Variants in FER observed in about 807,000 individuals in gnomAD.
FER encodes the protein tyrosine-protein kinase Fer.
A neutral mutation model predicts 111.0 loss-of-function variants in FER; 63 were observed. That is an observed-to-expected ratio of 0.57 (90% CI 0.46 to 0.70). FER has a LOEUF of 0.70. FER is among the 30% of genes least tolerant of loss of function. The probability of loss-of-function intolerance (pLI) is 0.00; values close to 1 mark genes in which losing one functional copy is unlikely to be tolerated. For synonymous variants in FER, 327 were observed against 313.9 expected (o/e 1.04, Z -0.44); for missense variants, 914 against 954.0 (o/e 0.96, Z 0.55).
chr5:108,940,405 C>G (rs1406896864), intron 10 of FER, among the ~76,000 whole-genome samples: 1 of 152,038 alleles, frequency 6.6e-6, no homozygotes, highest in Non-Finnish European at 1.5e-5. Context: ...TGGAAAGTCA[C>G]AAGAGACCAT....
chr5:108,917,031 T>G (rs1365258774), intron 10 of FER, among the ~76,000 whole-genome samples: 4 of 152,168 alleles, frequency 2.6e-5, no homozygotes, highest in African/African-American at 7.2e-5. Context: ...ATAATTGTCT[T>G]TGTGTATTAA....
At chr5:108,806,616 G>T (rs1757238049) in intron 3 of FER, among the ~76,000 whole-genome samples, 1 of 152,216 alleles carries the variant, frequency 6.6e-6, no homozygotes, top group South Asian at 2.1e-4. Flanking sequence ...GCGTGACCTG[G>T]ATGCAAGACA....
At chr5:108,837,057 A>T (rs1345369048) in intron 5 of FER, among the ~76,000 whole-genome samples, 1 of 152,216 alleles carries the variant, frequency 6.6e-6, no homozygotes, top group Non-Finnish European at 1.5e-5. Flanking sequence ...TCTTTAAATT[A>T]TCTAAATTAT....
At chr5:109,134,313 T>C (rs139388433) in intron 17 of FER, among the ~76,000 whole-genome samples, 1,808 of 152,250 alleles carry the variant, frequency 0.012, 18 homozygotes, top group Non-Finnish European at 0.02. Flanking sequence ...TGTTAGAGTT[T>C]TATATAAAAC....
intron 3 of FER, among the ~76,000 whole-genome samples, chr5:108,821,570 G>C (rs1309170068): frequency 1.3e-5 from 2 of 151,854 alleles, no homozygotes; most frequent in African/African-American, 4.8e-5. Context: ...TGGGTTCATT[G>C]AGCTTCTTTG....
intron 17 of FER, among the ~76,000 whole-genome samples, chr5:109,144,945 A>G (rs938348808): frequency 1.3e-5 from 2 of 152,004 alleles, no homozygotes; most frequent in Non-Finnish European, 2.9e-5. Flanking sequence ...CTATGAAGAG[A>G]TATGTGGTGC....
rs1018528455 is a variant in FER at position 108,913,801 on chromosome 5, A to T, written c.1236+15953A>T. Among the ~76,000 whole-genome samples, 55 of 152,340 alleles carry T rather than the reference A, an allele frequency of 3.6e-4. 1 individual carries two copies. Among genetic ancestry groups the T allele is most frequent in the African/African-American group, 1.3e-3 (53 of 41,590 alleles). On this transcript the variant is annotated intron_variant, in intron 10 of 19. Transcript: ENST00000281092. Reference sequence around the variant, plus strand: ...ACATAAATTGTGGGATACTTACCCAATGGGATACTCCGCAGTAATGAAAAT... The same window carrying T: ...ACATAAATTGTGGGATACTTACCCATTGGGATACTCCGCAGTAATGAAAAT...
intron 16 of FER, among the ~76,000 whole-genome samples, chr5:109,060,730 A>T (rs1774285787): frequency 6.6e-6 from 1 of 150,546 alleles, no homozygotes; most frequent in Admixed American, 6.6e-5. Context: ...TATTAAATGT[A>T]CTGTGATTGT....
At chr5:109,102,167 C>A (rs879383252) in intron 17 of FER, among the ~76,000 whole-genome samples, 4 of 152,036 alleles carry the variant, frequency 2.6e-5, no homozygotes, top group Non-Finnish European at 4.4e-5. Flanking sequence ...GAATTCATTT[C>A]CCTCTCTAAA....
chr5:108,850,396 T>C (rs1216847654), intron 5 of FER, among the ~76,000 whole-genome samples: 3 of 152,138 alleles, frequency 2.0e-5, no homozygotes, highest in Non-Finnish European at 2.9e-5. Flanking sequence ...ATAATTGAAG[T>C]TTTTGTATAC....
At chr5:108,877,697 A>G (rs895531356) in intron 8 of FER, among the ~76,000 whole-genome samples, 2 of 152,206 alleles carry the variant, frequency 1.3e-5, no homozygotes, top group African/African-American at 2.4e-5. Context: ...ATTAACCCAA[A>G]TGTCACACTT....
chr5:109,007,036 A>G (rs1258133614), intron 13 of FER, among the ~76,000 whole-genome samples: 2 of 152,124 alleles, frequency 1.3e-5, no homozygotes, highest in Admixed American at 1.3e-4. Context: ...AGAGGTTTTT[A>G]TTAGTTGGGT....
intron 10 of FER, among the ~76,000 whole-genome samples, chr5:108,942,296 G>A (rs952694170): frequency 9.9e-5 from 15 of 152,148 alleles, no homozygotes; most frequent in African/African-American, 2.6e-4. Context: ...GGATCTCACC[G>A]AACTCTATTC....
intron 3 of FER, among the ~76,000 whole-genome samples, chr5:108,828,183 G>A (rs778332235): frequency 1.3e-5 from 2 of 151,920 alleles, no homozygotes. Flanking sequence ...TTTGTATTTT[G>A]TACTTATTTT....
At chr5:108,799,567 C>T (rs1361987886) in intron 3 of FER, among the ~76,000 whole-genome samples, 3 of 152,094 alleles carry the variant, frequency 2.0e-5, no homozygotes, top group Admixed American at 2.0e-4. Flanking sequence ...ATACAGGACA[C>T]CATTTGAATT....
At chr5:109,105,158 C>T (rs1006444478) in intron 17 of FER, among the ~76,000 whole-genome samples, 1 of 150,994 alleles carries the variant, frequency 6.6e-6, no homozygotes, top group Admixed American at 6.6e-5. Context: ...TTGCCTTGTC[C>T]AGTGATTTCT....
At chr5:108,763,528 T>C (rs1249139327) in intron 1 of FER, among the ~76,000 whole-genome samples, 4 of 152,194 alleles carry the variant, frequency 2.6e-5, no homozygotes, top group Non-Finnish European at 5.9e-5. Flanking sequence ...AGATTACTTA[T>C]TAAACACATC....
chr5:108,812,994 T>C (rs1030969220), intron 3 of FER, among the ~76,000 whole-genome samples: 2 of 152,144 alleles, frequency 1.3e-5, no homozygotes, highest in African/African-American at 4.8e-5. Context: ...TATTTGCTCA[T>C]TGAGTTACAG....
chr5:108,982,058 G>A (rs1378709702), intron 13 of FER, among the ~76,000 whole-genome samples: 1 of 152,070 alleles, frequency 6.6e-6, no homozygotes, highest in African/African-American at 2.4e-5. Flanking sequence ...TGAAAGCGCA[G>A]GCTCTGGACC....
Sources: allele counts gnomAD v4.1 joint callset (sites outside exome capture counted in the v4.1 genomes callset), GRCh38; gene constraint gnomAD v4.1.1; transcripts MANE v1.5; gene names NCBI Gene and HGNC (gene_info 2026-07-23, HGNC 2026-07-21).